Variants in COLEC12 observed in about 807,000 individuals in gnomAD.
COLEC12 encodes collectin-12.
COLEC12 carries 33 observed loss-of-function variants against 71.1 expected under a neutral mutation model. The observed-to-expected ratio is 0.46, with a 90% CI of 0.35 to 0.62. The LOEUF (loss-of-function observed/expected upper bound fraction) is 0.62, where lower values mean the gene tolerates loss of function less well. Among genes scored for constraint, COLEC12 ranks in the 20% least tolerant of loss-of-function variants. COLEC12 has a pLI of 0.00. For synonymous variants in COLEC12, 350 were observed against 353.0 expected (o/e 0.99, Z 0.10); for missense variants, 765 against 916.1 (o/e 0.84, Z 2.13).
intron 2 of COLEC12, among the ~76,000 whole-genome samples, chr18:387,879 C>T (rs1433557487): frequency 6.6e-6 from 1 of 152,108 alleles, no homozygotes; most frequent in African/African-American, 2.4e-5. Context: ...AAGCAAAATT[C>T]CACTGATTAC....
intron 3 of COLEC12, among the ~76,000 whole-genome samples, chr18:355,047 GCATCCATCCATCCATCCATCCATC>G (rs112034077): frequency 2.0e-5 from 3 of 150,380 alleles, no homozygotes; most frequent in Non-Finnish European, 3.0e-5. Context: ...ATCCATCCAT[GCATCCATCCATCCATCCATCCATC>G]CATCCATCCA....
rs1229376124 is a variant in COLEC12, at chr18:346,437, A to G, written c.1185T>C (p.Asp395=). ...LNNTLANIRL[D]SVSLRMQQDL... ...CTTGTTGCATCCTGAGAGAAACAGAATCCAAACGGATGTTGGCCAGGGTAT... is the reference window on the plus strand; with the variant it reads ...CTTGTTGCATCCTGAGAGAAACAGAGTCCAAACGGATGTTGGCCAGGGTAT... The change falls in exon 5 of 10, where the codon GAT becomes GAC. Residue 395 remains aspartate (D), a synonymous_variant. Coordinates refer to ENST00000400256, the MANE Select transcript of COLEC12 (RefSeq NM_130386.3). The surrounding 1 kb of genome is among the most constrained non-coding windows in gnomAD (Gnocchi z 4.0). 4 of 1,614,208 alleles carry G rather than the reference A, an allele frequency of 2.5e-6. No homozygotes were observed. The highest frequency in any genetic ancestry group is 1.6e-4 in the Middle Eastern group (1 of 6,062).
At chr18:441,873 G>A (rs1916542781) in intron 2 of COLEC12, among the ~76,000 whole-genome samples, 1 of 151,606 alleles carries the variant, frequency 6.6e-6, no homozygotes, top group African/African-American at 2.4e-5. Flanking sequence ...GGTGGCACTT[G>A]CCTGCAATCC....
chr18:442,324 C>T (rs925086250), intron 2 of COLEC12, among the ~76,000 whole-genome samples: 1 of 152,154 alleles, frequency 6.6e-6, no homozygotes, highest in South Asian at 2.1e-4. Flanking sequence ...TTCTCCTCAG[C>T]CCTGATTTCT....
chr18:451,906 A>G (rs1001931301), intron 2 of COLEC12, among the ~76,000 whole-genome samples: 3 of 152,256 alleles, frequency 2.0e-5, no homozygotes, highest in African/African-American at 7.2e-5. Context: ...GTAAGTAAAG[A>G]GGAGCCAAGT....
At chr18:348,023 TAG>T (rs1914423767) in intron 4 of COLEC12, 40 bp downstream of exon 4, 1 of 1,291,984 alleles carries the variant, frequency 7.7e-7, no homozygotes, top group Non-Finnish European at 1.1e-6. Context: ...GTCATTTATG[TAG>T]AGTCAGGGGA....
intron 5 of COLEC12, among the ~76,000 whole-genome samples, chr18:339,058 C>T (rs564434120): frequency 1.3e-5 from 2 of 148,776 alleles, no homozygotes; most frequent in East Asian, 3.9e-4. Context: ...GCTATCCTTG[C>T]AAGTTATGGG....
At chr18:403,667 G>A (rs980476103) in intron 2 of COLEC12, among the ~76,000 whole-genome samples, 1 of 152,186 alleles carries the variant, frequency 6.6e-6, no homozygotes, top group African/African-American at 2.4e-5. Context: ...AATGGAATTG[G>A]TTATTAAAGC....
intron 2 of COLEC12, among the ~76,000 whole-genome samples, chr18:446,133 A>G (rs1176764687): frequency 6.6e-6 from 1 of 152,174 alleles, no homozygotes; most frequent in Non-Finnish European, 1.5e-5. Context: ...TTTATCATTT[A>G]CCAGTTGGTA....
chr18:380,961 T>A (rs1216186290), intron 2 of COLEC12, among the ~76,000 whole-genome samples: 1 of 152,194 alleles, frequency 6.6e-6, no homozygotes, highest in Non-Finnish European at 1.5e-5. Flanking sequence ...TGATGAGTGG[T>A]TCTATCTGGA....
chr18:439,201 G>A (rs2143690061), intron 2 of COLEC12, among the ~76,000 whole-genome samples: 1 of 152,294 alleles, frequency 6.6e-6, no homozygotes, highest in Middle Eastern at 3.4e-3. Flanking sequence ...CTGTTTTATA[G>A]TGAGTGACTT....
chr18:470,650 G>A (rs1486862196), intron 2 of COLEC12, among the ~76,000 whole-genome samples: 1 of 152,092 alleles, frequency 6.6e-6, no homozygotes. Context: ...AGCTACTCAG[G>A]AGGCTGAGGT....
intron 1 of COLEC12, among the ~76,000 whole-genome samples, chr18:481,707 A>G (rs1486217620): frequency 1.3e-5 from 2 of 150,668 alleles, no homozygotes; most frequent in Non-Finnish European, 3.0e-5. Context: ...TACACCTCCA[A>G]AAAAAAAAGA....
chr18:374,463 A>G (rs1331741273), intron 2 of COLEC12, among the ~76,000 whole-genome samples: 3 of 152,074 alleles, frequency 2.0e-5, no homozygotes, highest in African/African-American at 7.2e-5. Flanking sequence ...GGAAACTATG[A>G]CCTCGCCCCT....
In COLEC12 at chr18:334,780, G is replaced by T; in HGVS notation, c.1778C>A (p.Ala593Asp). Residue 593 changes from alanine (A) to aspartate (D), a missense_variant, in exon 6 of 10, where the codon GCC becomes GAC. Ala to Asp is a moderately radical substitution (Grantham distance 126). Transcript: ENST00000400256. ...PGPSGAVVPL[A>D]LQNEPTPAPE... ...TGCTGGGGTTGGCTCATTCTGCAGGGCCAGGGGCACCACCGCTCCTGATGG... is the reference window on the plus strand; with the variant it reads ...TGCTGGGGTTGGCTCATTCTGCAGGTCCAGGGGCACCACCGCTCCTGATGG... 6.7e-7 allele frequency: 1 copy of T among 1,488,222 alleles called. No homozygotes were observed. Among genetic ancestry groups the T allele is most frequent in the Non-Finnish European group, 8.9e-7 (1 of 1,125,530 alleles). 92.2% of individuals were successfully genotyped at this position (1,488,222 alleles called of 1,614,324 possible).
chr18:473,653 G>A (rs114420740), intron 2 of COLEC12, among the ~76,000 whole-genome samples: 8 of 152,316 alleles, frequency 5.3e-5, no homozygotes, highest in African/African-American at 1.9e-4. Context: ...GTAAGCCACA[G>A]CGCCCGGCCT....
chr18:416,808 T>A (rs1221623415), intron 2 of COLEC12, among the ~76,000 whole-genome samples: 6 of 147,398 alleles, frequency 4.1e-5, no homozygotes, highest in Non-Finnish European at 3.0e-5. Context: ...AAGACCTATC[T>A]TGCCTTACAC....
At chr18:382,402 A>G (rs1915252602) in intron 2 of COLEC12, among the ~76,000 whole-genome samples, 1 of 152,196 alleles carries the variant, frequency 6.6e-6, no homozygotes, top group Non-Finnish European at 1.5e-5. Flanking sequence ...GTAGGCAAGA[A>G]GAGTGTCTTC....
At chr18:364,352 A>G (rs1914812132) in intron 2 of COLEC12, among the ~76,000 whole-genome samples, 1 of 152,234 alleles carries the variant, frequency 6.6e-6, no homozygotes, top group Admixed American at 6.5e-5. Context: ...TGTGGTTTTT[A>G]TAAGAAATCC....
Sources: allele counts gnomAD v4.1 joint callset (sites outside exome capture counted in the v4.1 genomes callset), GRCh38; gene constraint gnomAD v4.1.1; non-coding constraint Gnocchi (gnomAD v3.1); transcripts MANE v1.5; gene names NCBI Gene and HGNC (gene_info 2026-07-23, HGNC 2026-07-21).